ZNF723: variants seen among roughly 807,000 people sequenced by gnomAD.
ZNF723 encodes the protein zinc finger protein 723, also known as zinc finger protein 723, pseudogene.
A neutral mutation model predicts 9.4 loss-of-function variants in ZNF723; 5 were observed. The ratio of observed to expected loss-of-function variants is 0.53; its 90% CI spans 0.28 to 1.12. The LOEUF (loss-of-function observed/expected upper bound fraction) is 1.12, where lower values mean the gene tolerates loss of function less well. ZNF723 is among the 50% of genes most tolerant of loss of function. ZNF723 has a pLI of 0.10. For missense variants in ZNF723, 450 were observed against 501.5 expected (o/e 0.90, Z 0.98); for synonymous variants, 158 against 168.8 (o/e 0.94, Z 0.49).
chr19:22,848,537 A>T (rs35039856), intron 2 of ZNF723, 150 bp downstream of exon 2: 106,013 of 661,216 alleles, frequency 0.16, 10,235 homozygotes, highest in African/African-American at 0.35. Context: ...AGTGTAGAAA[A>T]GAATTTCTTC....
rs995582535 is a variant in ZNF723, at chr19:22,858,577, A to T, written c.*144A>T. 4 of 500,778 alleles carry T rather than the reference A, an allele frequency of 8.0e-6. No homozygotes were observed. The highest frequency in any genetic ancestry group is 7.8e-5 in the African/African-American group (4 of 51,138). 31.0% of individuals were successfully genotyped at this position (500,778 alleles called of 1,614,324 possible). The stretch of plus-strand genomic sequence containing the variant: ...GAGGTCAGGAGTTCGAGACCAACCT[A>T]ACATGGTGAAACAACGTCTCTACTA... On this transcript the variant is annotated 3_prime_UTR_variant, in exon 4 of 4. Transcript: ENST00000600766.
At chr19:22,818,232 G>C in the ZNF723 span, among the ~76,000 whole-genome samples, 1 of 152,006 alleles carries the variant, frequency 6.6e-6, no homozygotes, top group African/African-American at 2.4e-5. Flanking sequence ...AATTCATCAG[G>C]TGGTACACAG....
intron 3 of ZNF723, among the ~76,000 whole-genome samples, chr19:22,851,401 A>C (rs994444518): frequency 6.6e-6 from 1 of 152,052 alleles, no homozygotes; most frequent in Non-Finnish European, 1.5e-5. Context: ...TGAATTCCTG[A>C]TGTCAGGTGA....
At chr19:22,857,055 T>G (rs1415429488) in intron 3 of ZNF723, 63 bp from the exon 4 acceptor site, 3 of 638,538 alleles carry the variant, frequency 4.7e-6, no homozygotes, top group Non-Finnish European at 8.0e-6. Flanking sequence ...TAGCTTAGAT[T>G]TGTAAAGTAT....
At chr19:22,831,088 T>A (rs554157945), upstream of ZNF723, among the ~76,000 whole-genome samples, 2 of 152,142 alleles carry the variant, frequency 1.3e-5, no homozygotes, top group African/African-American at 4.8e-5. Flanking sequence ...CCCTCCTATA[T>A]CCATGCCCAT....
At chr19:22,819,068 C>T in the ZNF723 span, among the ~76,000 whole-genome samples, 1 of 151,982 alleles carries the variant, frequency 6.6e-6, no homozygotes, top group Admixed American at 6.6e-5. Flanking sequence ...CTTTCTAGGT[C>T]CTGCCTGTAG....
At chr19:22,814,754 C>A in the ZNF723 span, among the ~76,000 whole-genome samples, 1 of 152,182 alleles carries the variant, frequency 6.6e-6, no homozygotes, top group Non-Finnish European at 1.5e-5. Flanking sequence ...AGTGATTTAA[C>A]CTTTCTGCCT....
the ZNF723 span, among the ~76,000 whole-genome samples, chr19:22,822,905 C>T: frequency 7.2e-5 from 11 of 152,262 alleles, no homozygotes; most frequent in African/African-American, 2.6e-4. Flanking sequence ...ACCCTGCCAA[C>T]AATGAGGGCT....
At chr19:22,827,775 C>G (rs1967053253), upstream of ZNF723, among the ~76,000 whole-genome samples, 1 of 151,828 alleles carries the variant, frequency 6.6e-6, no homozygotes, top group Non-Finnish European at 1.5e-5. Flanking sequence ...TCCTGCTAGT[C>G]AAAATAGTAG....
chr19:22,831,529 C>A (rs1276636563), upstream of ZNF723, among the ~76,000 whole-genome samples: 6 of 151,706 alleles, frequency 4.0e-5, no homozygotes, highest in Non-Finnish European at 8.8e-5. Flanking sequence ...TGCACTCCAA[C>A]CTGGGCAACA....
chr19:22,822,485 A>G, the ZNF723 span, among the ~76,000 whole-genome samples: 241 of 152,354 alleles, frequency 1.6e-3, 1 homozygote, highest in African/African-American at 5.6e-3. Flanking sequence ...TGAAGGTCAC[A>G]GAAGATTGTA....
intron 3 of ZNF723, among the ~76,000 whole-genome samples, chr19:22,851,027 T>C (rs1967388008): frequency 1.3e-5 from 2 of 152,066 alleles, no homozygotes; most frequent in South Asian, 4.1e-4. Flanking sequence ...ATCTTGTGTA[T>C]CTATTAATAA....
In ZNF723 at chr19:22,857,137, C is replaced by T. The variant is rs1016701428; in HGVS notation, c.246C>T (p.Ala82=). ...TTTCAGTTGTGTGTTCTCATTTTGCCCAAGACCTTTGGCCAGAGCAGGGCA... is the reference window on the plus strand; with the variant it reads ...TTTCAGTTGTGTGTTCTCATTTTGCTCAAGACCTTTGGCCAGAGCAGGGCA... ...AKPPVVCSHF[A]QDLWPEQGIK... The change falls in exon 4 of 4, where the codon GCC becomes GCT. Residue 82 remains alanine, a synonymous_variant. Coordinates refer to ENST00000600766, the MANE Select transcript of ZNF723 (RefSeq NM_001349726.2). 2 of 981,594 alleles carry T rather than the reference C, an allele frequency of 2.0e-6. No homozygotes were observed. Among genetic ancestry groups the T allele is most frequent in the East Asian group, 2.5e-5 (1 of 40,638 alleles). The allele number at this position is 981,594 out of a possible 1,614,324, so 60.8% of individuals were successfully genotyped here.
At chr19:22,856,270 G>C (rs188468476) in intron 3 of ZNF723, among the ~76,000 whole-genome samples, 3 of 152,008 alleles carry the variant, frequency 2.0e-5, no homozygotes, top group Admixed American at 2.0e-4. Flanking sequence ...GAATTTTTTA[G>C]TTATAATTTC....
intron 1 of ZNF723, among the ~76,000 whole-genome samples, chr19:22,834,609 T>C (rs1199318703): frequency 6.6e-6 from 1 of 152,158 alleles, no homozygotes; most frequent in African/African-American, 2.4e-5. Flanking sequence ...ACCTGAGGTA[T>C]GGAGTGTAGC....
upstream of ZNF723, among the ~76,000 whole-genome samples, chr19:22,828,184 T>C (rs426862): frequency 0.37 from 55,943 of 152,112 alleles, 10,672 homozygotes; most frequent in African/African-American, 0.49. Context: ...AATAGTCTCT[T>C]GTTGACTGGC....
intron 1 of ZNF723, among the ~76,000 whole-genome samples, chr19:22,847,256 CT>C (rs35635094): frequency 7.5e-4 from 108 of 144,202 alleles, no homozygotes; most frequent in Admixed American, 9.1e-4. Flanking sequence ...TTGTAAAGGC[CT>C]TTTTTTTTTT....
intron 3 of ZNF723, among the ~76,000 whole-genome samples, chr19:22,852,652 A>C: frequency 6.6e-6 from 1 of 152,134 alleles, no homozygotes; most frequent in Non-Finnish European, 1.5e-5. Context: ...ATTAGGTATT[A>C]TTGTTCATTT....
At chr19:22,851,117 T>A (rs956924774) in intron 3 of ZNF723, among the ~76,000 whole-genome samples, 2 of 152,198 alleles carry the variant, frequency 1.3e-5, no homozygotes, top group African/African-American at 4.8e-5. Flanking sequence ...ATAATAGAAT[T>A]CTATATGTGT....
Sources: gnomAD v4.1 joint callset for allele counts (sites outside exome capture counted in the v4.1 genomes callset) on GRCh38, gnomAD v4.1.1 for gene constraint, MANE v1.5 for transcripts, NCBI Gene and HGNC (gene_info 2026-07-23, HGNC 2026-07-21) for gene names.